The following L3MBTL4 variants were observed in gnomAD, a reference collection of about 807,000 sequenced individuals.
The protein encoded by L3MBTL4 is L3MBTL histone methyl-lysine binding protein 4, also known as lethal(3)malignant brain tumor-like protein 4.
A neutral mutation model predicts 84.5 loss-of-function variants in L3MBTL4; 70 were observed. That is an observed-to-expected ratio of 0.83 (90% CI 0.68 to 1.01). L3MBTL4 has a LOEUF of 1.01. Ranked by LOEUF, L3MBTL4 falls within the 50% of genes least tolerant of loss-of-function variation. The probability of loss-of-function intolerance (pLI) is 0.00; values close to 1 mark genes in which losing one functional copy is unlikely to be tolerated. For missense variants in L3MBTL4, 715 were observed against 754.8 expected (o/e 0.95, Z 0.62); for synonymous variants, 274 against 259.8 (o/e 1.05, Z -0.52).
chr18:6,001,932 T>A (rs2145272358), intron 16 of L3MBTL4, among the ~76,000 whole-genome samples: 1 of 152,148 alleles, frequency 6.6e-6, no homozygotes, highest in East Asian at 1.9e-4. Flanking sequence ...GATTTACAAA[T>A]CTAAGATGCT....
chr18:6,123,866 G>GA (rs1353588782), intron 14 of L3MBTL4, among the ~76,000 whole-genome samples: 3 of 152,124 alleles, frequency 2.0e-5, no homozygotes, highest in African/African-American at 7.2e-5. Flanking sequence ...TTTTTACTTT[G>GA]AAAAAATAAG....
chr18:6,262,858 C>T (rs2048466060), intron 5 of L3MBTL4, among the ~76,000 whole-genome samples: 1 of 152,176 alleles, frequency 6.6e-6, no homozygotes, highest in Admixed American at 6.5e-5. Context: ...CTCTTCTTCC[C>T]TGTCCCACTG....
At chr18:6,033,042 T>C (rs999243845) in intron 16 of L3MBTL4, among the ~76,000 whole-genome samples, 1 of 152,214 alleles carries the variant, frequency 6.6e-6, no homozygotes. Context: ...AGCTGCTTCA[T>C]TGTGTTAAGT....
chr18:6,143,580 G>A (rs559039622), intron 13 of L3MBTL4, among the ~76,000 whole-genome samples: 38 of 152,250 alleles, frequency 2.5e-4, no homozygotes, highest in African/African-American at 8.2e-4. Flanking sequence ...GAAAATAATC[G>A]TATTTTTGCC....
intron 13 of L3MBTL4, among the ~76,000 whole-genome samples, chr18:6,169,378 A>G (rs1274730063): frequency 6.6e-6 from 1 of 152,176 alleles, no homozygotes. Context: ...ACACATGCAC[A>G]TGTATGTTTA....
chr18:6,405,813 G>A (rs1240318172), intron 1 of L3MBTL4, among the ~76,000 whole-genome samples: 1 of 152,156 alleles, frequency 6.6e-6, no homozygotes, highest in Non-Finnish European at 1.5e-5. Context: ...CTATTAATAA[G>A]CCAGTGATTT....
intron 10 of L3MBTL4, among the ~76,000 whole-genome samples, chr18:6,223,217 A>T (rs1008244187): frequency 6.6e-6 from 1 of 152,106 alleles, no homozygotes; most frequent in African/African-American, 2.4e-5. Flanking sequence ...ATAAATGTTC[A>T]TTCAGCCAAC....
chr18:6,150,629 G>C (rs142226154), intron 13 of L3MBTL4, among the ~76,000 whole-genome samples: 2 of 152,066 alleles, frequency 1.3e-5, no homozygotes, highest in Non-Finnish European at 2.9e-5. Context: ...CAGATGCTTC[G>C]ATAACGTAAA....
chr18:6,277,743 T>C (rs938206918), intron 4 of L3MBTL4, among the ~76,000 whole-genome samples: 1 of 152,172 alleles, frequency 6.6e-6, no homozygotes, highest in Non-Finnish European at 1.5e-5. Flanking sequence ...TTATATTGTA[T>C]TGCTATTATG....
At chr18:6,105,478 C>G (rs1037719581) in intron 14 of L3MBTL4, among the ~76,000 whole-genome samples, 9 of 151,798 alleles carry the variant, frequency 5.9e-5, no homozygotes, top group African/African-American at 2.2e-4. Flanking sequence ...GCTTGAGCCA[C>G]TGCACCCAGC....
intron 4 of L3MBTL4, among the ~76,000 whole-genome samples, chr18:6,293,874 G>C (rs1005210637): frequency 3.3e-5 from 5 of 152,188 alleles, no homozygotes; most frequent in Admixed American, 6.5e-5. Flanking sequence ...AAAAGTTCAG[G>C]AAAGGCTGAG....
intron 16 of L3MBTL4, among the ~76,000 whole-genome samples, chr18:5,979,006 C>T (rs2053087316): frequency 6.6e-6 from 1 of 152,144 alleles, no homozygotes; most frequent in African/African-American, 2.4e-5. Context: ...TTTGTAACCT[C>T]CACCCCCCGG....
At chr18:6,380,853 T>G in intron 1 of L3MBTL4, among the ~76,000 whole-genome samples, 1 of 152,210 alleles carries the variant, frequency 6.6e-6, no homozygotes, top group Non-Finnish European at 1.5e-5. Flanking sequence ...CAGAGCTGAG[T>G]TCAAGTCCTG....
chr18:6,063,761 T>C (rs932586648), intron 16 of L3MBTL4, among the ~76,000 whole-genome samples: 2 of 152,094 alleles, frequency 1.3e-5, no homozygotes, highest in African/African-American at 4.8e-5. Context: ...TACTAGTCCT[T>C]TGTTAAATGC....
At chr18:6,219,282 A>T (rs2046451776) in intron 10 of L3MBTL4, among the ~76,000 whole-genome samples, 1 of 151,956 alleles carries the variant, frequency 6.6e-6, no homozygotes, top group Admixed American at 6.5e-5. Context: ...AGCCCCTTTC[A>T]GGCCTCAGGA....
At chr18:6,330,245 A>G (rs547648817) in intron 1 of L3MBTL4, among the ~76,000 whole-genome samples, 3 of 152,350 alleles carry the variant, frequency 2.0e-5, no homozygotes, top group African/African-American at 7.2e-5. Flanking sequence ...GTAACAATTT[A>G]CCCCAACTTG....
intron 14 of L3MBTL4, among the ~76,000 whole-genome samples, chr18:6,132,222 C>T (rs1287994993): frequency 6.6e-6 from 1 of 152,126 alleles, no homozygotes; most frequent in African/African-American, 2.4e-5. Context: ...AATGTATTTA[C>T]CTGATGGTTT....
At chr18:5,982,621 C>G (rs2053285267) in intron 16 of L3MBTL4, among the ~76,000 whole-genome samples, 1 of 152,156 alleles carries the variant, frequency 6.6e-6, no homozygotes, top group Non-Finnish European at 1.5e-5. Context: ...AGAAAATACA[C>G]ATTGAGAAAC....
At chr18:6,168,921 C>A (rs369232586) in intron 13 of L3MBTL4, among the ~76,000 whole-genome samples, 1 of 152,048 alleles carries the variant, frequency 6.6e-6, no homozygotes, top group Admixed American at 6.5e-5. Flanking sequence ...ATTTTTGCAA[C>A]CTACTCATCT....
Sources: allele counts gnomAD v4.1 joint callset (sites outside exome capture counted in the v4.1 genomes callset), GRCh38; gene constraint gnomAD v4.1.1; transcripts MANE v1.5; gene names NCBI Gene and HGNC (gene_info 2026-07-23, HGNC 2026-07-21).